The following AKT3 variants were observed in gnomAD, a reference collection of about 807,000 sequenced individuals.
AKT3 encodes RAC-gamma serine/threonine-protein kinase.
Under a neutral mutation model 65.3 loss-of-function variants are expected in AKT3, and 15 were observed. The ratio of observed to expected loss-of-function variants is 0.23; its 90% CI spans 0.15 to 0.35. AKT3 has a LOEUF of 0.35. Among genes scored for constraint, AKT3 ranks in the 10% least tolerant of loss-of-function variants. The pLI, the probability that AKT3 is intolerant of heterozygous loss-of-function variation, is 1.00. For synonymous variants in AKT3, 206 were observed against 183.8 expected, an observed-to-expected ratio of 1.12 and a Z score of -0.98; for missense variants, 243 against 576.5, an observed-to-expected ratio of 0.42 and a Z score of 5.92.
intron 2 of AKT3, among the ~76,000 whole-genome samples, chr1:243,779,463 A>T (rs923169578): frequency 6.6e-6 from 1 of 152,154 alleles, no homozygotes; most frequent in Admixed American, 6.6e-5. Flanking sequence ...AATGAGAAGA[A>T]CATTCAAACA....
chr1:243,763,763 G>C (rs1341129724), intron 2 of AKT3, among the ~76,000 whole-genome samples: 3 of 152,032 alleles, frequency 2.0e-5, no homozygotes, highest in South Asian at 4.1e-4. Flanking sequence ...CAGTGTCTTT[G>C]AGTAAAAAGC....
chr1:243,526,779 T>TA (rs1180642142), intron 12 of AKT3, among the ~76,000 whole-genome samples: 2 of 15,168 alleles, frequency 1.3e-4, no homozygotes, highest in African/African-American at 4.7e-4. Context: ...AAAAAATGGT[T>TA]AAAAAAAAAA....
intron 6 of AKT3, among the ~76,000 whole-genome samples, chr1:243,634,631 T>C (rs189674463): frequency 6.6e-6 from 1 of 151,768 alleles, no homozygotes; most frequent in East Asian, 1.9e-4. Flanking sequence ...GGTACTGCCA[T>C]AGTAACCAAA....
chr1:243,689,215 T>C (rs1371466915), intron 3 of AKT3, among the ~76,000 whole-genome samples: 1 of 152,138 alleles, frequency 6.6e-6, no homozygotes, highest in Non-Finnish European at 1.5e-5. Flanking sequence ...CTATCAGGTA[T>C]GGGTATAATG....
At chr1:243,631,978 A>G (rs956767477) in intron 6 of AKT3, among the ~76,000 whole-genome samples, 21 of 152,080 alleles carry the variant, frequency 1.4e-4, no homozygotes, top group Admixed American at 2.0e-4. Flanking sequence ...TATTTCCTCC[A>G]CTGGAGTCTT....
chr1:243,601,508 C>A (rs1291020417), intron 8 of AKT3, among the ~76,000 whole-genome samples: 1 of 152,042 alleles, frequency 6.6e-6, no homozygotes, highest in African/African-American at 2.4e-5. Context: ...TGAAAAGAGT[C>A]TGCAGTTTTT....
intron 2 of AKT3, among the ~76,000 whole-genome samples, chr1:243,810,546 C>T (rs1475763067): frequency 6.6e-6 from 1 of 152,024 alleles, no homozygotes; most frequent in Non-Finnish European, 1.5e-5. Flanking sequence ...AGCTTACCAA[C>T]CAAAAAAAGT....
chr1:243,652,883 G>T (rs796498987), intron 4 of AKT3, among the ~76,000 whole-genome samples: 3 of 149,748 alleles, frequency 2.0e-5, no homozygotes, highest in African/African-American at 7.3e-5. Flanking sequence ...TAATGGTAAA[G>T]GGATCGATGC....
intron 2 of AKT3, among the ~76,000 whole-genome samples, chr1:243,771,110 T>C (rs1368655132): frequency 1.3e-5 from 2 of 152,146 alleles, no homozygotes; most frequent in Non-Finnish European, 2.9e-5. Context: ...ATATGTAAAA[T>C]GTATAAGCAG....
intron 4 of AKT3, among the ~76,000 whole-genome samples, chr1:243,656,422 G>C (rs556198135): frequency 6.6e-5 from 10 of 152,206 alleles, no homozygotes; most frequent in Non-Finnish European, 1.2e-4. Context: ...GGGGAGCCTT[G>C]GTATTGTGGG....
At chr1:243,689,952 A>C (rs921958844) in intron 3 of AKT3, among the ~76,000 whole-genome samples, 2 of 152,196 alleles carry the variant, frequency 1.3e-5, no homozygotes, top group Admixed American at 1.3e-4. Flanking sequence ...CTTAAAAAAC[A>C]AAAAACTTAA....
chr1:243,637,878 C>A (rs1680091023), intron 5 of AKT3, 136 bp from the exon 6 acceptor site: 5 of 539,856 alleles, frequency 9.3e-6, no homozygotes, highest in Non-Finnish European at 1.5e-5. Context: ...GAAAAAGAAT[C>A]AGACTGGCAT....
intron 2 of AKT3, among the ~76,000 whole-genome samples, chr1:243,744,511 G>A (rs1052525336): frequency 1.1e-4 from 16 of 151,864 alleles, no homozygotes; most frequent in African/African-American, 3.4e-4. Context: ...AGGCCGAGGC[G>A]GGTGGATCAC....
chr1:243,684,206 G>A (rs560567665), intron 3 of AKT3, among the ~76,000 whole-genome samples: 3 of 151,732 alleles, frequency 2.0e-5, no homozygotes, highest in South Asian at 2.1e-4. Context: ...TGTGCAGAAC[G>A]TGCAGGTTTG....
intron 2 of AKT3, among the ~76,000 whole-genome samples, chr1:243,758,563 C>T (rs1689287223): frequency 6.6e-6 from 1 of 152,114 alleles, no homozygotes; most frequent in South Asian, 2.1e-4. Flanking sequence ...CTTTCTGGCA[C>T]CAGGGACCAG....
At chr1:243,772,694 C>T (rs1335509389) in intron 2 of AKT3, among the ~76,000 whole-genome samples, 5 of 152,078 alleles carry the variant, frequency 3.3e-5, no homozygotes, top group Non-Finnish European at 7.3e-5. Flanking sequence ...TGGGTATATC[C>T]CCAAAGGAAT....
chr1:243,529,404 T>C (rs1042946892), intron 12 of AKT3, among the ~76,000 whole-genome samples: 2 of 152,162 alleles, frequency 1.3e-5, no homozygotes, highest in African/African-American at 4.8e-5. Context: ...TTATCTTATA[T>C]GGCATTTTTT....
intron 3 of AKT3, 142 bp from the exon 4 acceptor site, chr1:243,665,025 C>G: frequency 5.2e-6 from 2 of 383,912 alleles, no homozygotes; most frequent in Admixed American, 9.3e-5. Flanking sequence ...AGATTATTTA[C>G]AGCCTGACCT....
intron 3 of AKT3, among the ~76,000 whole-genome samples, chr1:243,683,649 T>A (rs887030425): frequency 6.6e-6 from 1 of 151,240 alleles, no homozygotes; most frequent in Non-Finnish European, 1.5e-5. Context: ...AAAAGTTGAG[T>A]GAGACAGAAA....
Sources: allele counts gnomAD v4.1 joint callset (sites outside exome capture counted in the v4.1 genomes callset), GRCh38; gene constraint gnomAD v4.1.1; transcripts MANE v1.5; gene names NCBI Gene and HGNC (gene_info 2026-07-23, HGNC 2026-07-21).